The following RBM27 variants were observed in gnomAD, a reference collection of about 807,000 sequenced individuals.
RBM27 encodes the protein RNA binding motif protein 27, also known as RNA-binding protein 27.
A neutral mutation model predicts 135.3 loss-of-function variants in RBM27; 22 were observed. The observed-to-expected ratio is 0.16, with a 90% CI of 0.12 to 0.23. RBM27 has a LOEUF of 0.23. Ranked by LOEUF, RBM27 falls within the 10% of genes least tolerant of loss-of-function variation. RBM27 has a pLI of 1.00. For missense variants in RBM27, 1,009 were observed against 1,281.0 expected (o/e 0.79, Z 3.24); for synonymous variants, 481 against 442.4 (o/e 1.09, Z -1.10).
At chr5:146,209,820 C>T (rs900018665) in intron 1 of RBM27, among the ~76,000 whole-genome samples, 2 of 152,174 alleles carry the variant, frequency 1.3e-5, no homozygotes, top group African/African-American at 2.4e-5. Flanking sequence ...ATACCATTCA[C>T]TATTTCATAG....
intron 8 of RBM27, among the ~76,000 whole-genome samples, chr5:146,244,634 G>T (rs572379549): frequency 3.7e-4 from 57 of 152,062 alleles, no homozygotes; most frequent in African/African-American, 1.3e-3. Context: ...AACCTTTCAG[G>T]CTCTGGAAAT....
intron 1 of RBM27, among the ~76,000 whole-genome samples, chr5:146,210,650 A>G (rs1323180991): frequency 6.6e-6 from 1 of 152,178 alleles, no homozygotes; most frequent in African/African-American, 2.4e-5. Context: ...ACTGTGAGCA[A>G]TACATTTCTG....
chr5:146,246,648 C>T lies in RBM27; in HGVS notation c.1280-5063C>T, dbSNP rs1460425726. Among the ~76,000 whole-genome samples the T allele has an allele frequency of 5.3e-5, 8 of 152,234 alleles. No homozygotes were observed. The East Asian group carries it at 1.5e-3, about 29-fold the overall frequency. ...AGCTATGATCACACCTATGAATAGC[C>T]ACTGTACTTTAGCCTGGATAACATA... On this transcript the variant is annotated intron_variant, in intron 8 of 20. Coordinates refer to ENST00000265271, the MANE Select transcript of RBM27 (RefSeq NM_018989.2).
intron 12 of RBM27, 100 bp from the exon 13 acceptor site, chr5:146,261,410 A>G (rs1581216355): frequency 3.1e-6 from 3 of 974,476 alleles, no homozygotes; most frequent in East Asian, 2.6e-5. Context: ...GGGCTTTAAC[A>G]TGTGTATTTT....
rs576853836 is a variant in RBM27, at chr5:146,222,590, A to G, written c.179-813A>G. On this transcript the variant is annotated intron_variant, in intron 2 of 20. Coordinates refer to ENST00000265271, the MANE Select transcript of RBM27 (RefSeq NM_018989.2). ...TCCCACCTACTCAGGAGGCCGAGGC[A>G]GGAGAATCACTTGAACCCAGGAGGT... Among the ~76,000 whole-genome samples the G allele has an allele frequency of 3.4e-3, 525 of 152,340 alleles. 3 individuals carry two copies. The highest frequency in any genetic ancestry group is 0.012 in the African/African-American group (499 of 41,590).
intron 19 of RBM27, among the ~76,000 whole-genome samples, chr5:146,284,280 A>C (rs1300146296): frequency 1.3e-5 from 2 of 152,176 alleles, no homozygotes; most frequent in Non-Finnish European, 1.5e-5. Context: ...TAGATATCAA[A>C]GCCAAAGGTC....
intron 18 of RBM27, among the ~76,000 whole-genome samples, 189 bp from the exon 19 acceptor site, chr5:146,271,294 G>A (rs1758851160): frequency 2.0e-5 from 3 of 152,018 alleles, no homozygotes; most frequent in Admixed American, 6.6e-5. Context: ...CAGCTGCTTG[G>A]GAGGCTGAGG....
chr5:146,222,260 A>G (rs1756491626), intron 2 of RBM27, among the ~76,000 whole-genome samples: 1 of 152,248 alleles, frequency 6.6e-6, no homozygotes, highest in Non-Finnish European at 1.5e-5. Context: ...AGAAAAGATA[A>G]CATTTTAGAA....
intron 3 of RBM27, among the ~76,000 whole-genome samples, chr5:146,225,688 C>T (rs1343408005): frequency 5.9e-5 from 9 of 151,796 alleles, no homozygotes; most frequent in African/African-American, 2.2e-4. Flanking sequence ...GCCTCAGCTT[C>T]CTAAGTAGCT....
chr5:146,241,634 T>G (rs1757412978), intron 8 of RBM27, among the ~76,000 whole-genome samples: 1 of 152,216 alleles, frequency 6.6e-6, no homozygotes, highest in Non-Finnish European at 1.5e-5. Context: ...AATTTTTGTA[T>G]TTTTGGTACA....
At position 146,285,815 on chromosome 5, in the gene RBM27, G is replaced by A. The variant is rs527992876; in HGVS notation, c.3100-132G>A. On this transcript the variant is annotated intron_variant, in intron 20 of 20. Coordinates refer to ENST00000265271, the MANE Select transcript of RBM27 (RefSeq NM_018989.2). The stretch of plus-strand genomic sequence containing the variant: ...GCTTTTTTTTTTTTTTGCCCTGAAA[G>A]ATACTCTTGCATGCATCCCTTATGA... 196 of 471,632 alleles carry A rather than the reference G, an allele frequency of 4.2e-4. 2 individuals are homozygous for A. The South Asian group carries it at 5.9e-3, about 14-fold the overall frequency. 29.2% of individuals were successfully genotyped at this position (471,632 alleles called of 1,614,324 possible). A position where few individuals can be genotyped will look rare whatever the true frequency, so the allele number is the denominator to read the frequency against.
chr5:146,271,043 T>G lies in RBM27; in HGVS notation c.2781T>G (p.Ser927Arg). 1 of 1,612,204 alleles carries G rather than the reference T, an allele frequency of 6.2e-7. No individual in the cohort carries two copies. The highest frequency in any genetic ancestry group is 8.5e-7 in the Non-Finnish European group (1 of 1,178,456). The change falls in exon 18 of 21, where the codon AGT (serine) becomes AGG (arginine). Residue 927 changes from serine (S) to arginine (R), a missense_variant. Ser to Arg is a moderately radical substitution (Grantham distance 110). This residue lies in a region of RBM27 where 355 missense variants were observed against 427.3 expected (regional missense o/e 0.83). Coordinates refer to ENST00000265271, the MANE Select transcript of RBM27 (RefSeq NM_018989.2). Reference protein sequence around the residue: ...EDTTELRKKLSQLQVEAARLG... With the variant: ...EDTTELRKKLRQLQVEAARLG... ...CCACAGAATTACGGAAAAAACTCAG[T>G]CAGTTACAGGTTGAGGTGAGATTTA...
intron 14 of RBM27, among the ~76,000 whole-genome samples, chr5:146,264,778 G>GA (rs1385184063): frequency 6.6e-6 from 1 of 151,428 alleles, no homozygotes; most frequent in Non-Finnish European, 1.5e-5. Context: ...GAACAGAATA[G>GA]AAAATCTAGA....
At chr5:146,233,409 T>C (rs1323253443) in intron 6 of RBM27, 41 bp from the exon 7 acceptor site, 2 of 1,495,854 alleles carry the variant, frequency 1.3e-6, no homozygotes, top group African/African-American at 1.4e-5. Context: ...GAACTCTAAG[T>C]AGATGATAAT....
At chr5:146,211,462 A>G (rs1355560078) in intron 1 of RBM27, among the ~76,000 whole-genome samples, 1 of 52,038 alleles carries the variant, frequency 1.9e-5, no homozygotes, top group African/African-American at 6.2e-5. Context: ...GTATGGTCTT[A>G]TCTTTTTTTT....
intron 2 of RBM27, among the ~76,000 whole-genome samples, chr5:146,219,801 C>T (rs753855161): frequency 6.6e-6 from 1 of 152,168 alleles, no homozygotes; most frequent in Admixed American, 6.6e-5. Context: ...GAGTGCTCTA[C>T]ATACAGTGTA....
intron 13 of RBM27, 72 bp downstream of exon 13, chr5:146,261,878 C>A: frequency 6.7e-7 from 1 of 1,488,692 alleles, no homozygotes. Flanking sequence ...AATTCCTGGT[C>A]CTTGGGTCTT....
chr5:146,221,210 T>C (rs1170647325), intron 2 of RBM27, among the ~76,000 whole-genome samples: 1 of 151,532 alleles, frequency 6.6e-6, no homozygotes, highest in Non-Finnish European at 1.5e-5. Flanking sequence ...AGGTAATATA[T>C]ATGAGAAGGA....
At chr5:146,230,541 G>C (rs1756882067) in intron 5 of RBM27, 116 bp from the exon 6 acceptor site, 2 of 1,068,068 alleles carry the variant, frequency 1.9e-6, no homozygotes, top group Admixed American at 2.6e-5. Flanking sequence ...AATATGGATA[G>C]CTAGATAAGT....
Sources: gnomAD v4.1 joint callset for allele counts (sites outside exome capture counted in the v4.1 genomes callset) on GRCh38, gnomAD v4.1.1 for gene constraint, gnomAD v4.1.1 regional missense constraint, MANE v1.5 for transcripts, NCBI Gene and HGNC (gene_info 2026-07-23, HGNC 2026-07-21) for gene names.